GPC5: variants seen among roughly 807,000 people sequenced by gnomAD.
GPC5 encodes the protein glypican-5.
In GPC5, 47 loss-of-function variants were observed where a neutral mutation model predicts 53.9. The observed-to-expected ratio is 0.87, with a 90% CI of 0.69 to 1.11. GPC5 has a LOEUF of 1.11. Among genes scored for constraint, GPC5 ranks in the 50% most tolerant of loss-of-function variants. The probability of loss-of-function intolerance (pLI) is 0.00; values close to 1 mark genes in which losing one functional copy is unlikely to be tolerated. For synonymous variants in GPC5, 286 were observed against 263.3 expected, an observed-to-expected ratio of 1.09 and a Z score of -0.84; for missense variants, 748 against 713.1, an observed-to-expected ratio of 1.05 and a Z score of -0.56.
At chr13:91,445,167 C>G (rs146642863) in intron 1 of GPC5, among the ~76,000 whole-genome samples, 122 of 152,274 alleles carry the variant, frequency 8.0e-4, no homozygotes, top group African/African-American at 2.9e-3. Context: ...CTTTTCTTAA[C>G]TGACTTTCAC....
At position 92,632,485 on chromosome 13, in the gene GPC5, T is replaced by TACAC. The variant is rs1555297294; in HGVS notation, c.1562-233795_1562-233792dup. The stretch of plus-strand genomic sequence containing the variant: ...CCACATATATATATATATATATATA[T>TACAC]ACACATATATATATGCACACACACA... On this transcript the variant is annotated intron_variant, in intron 7 of 7. Transcript: ENST00000377067. Among the ~76,000 whole-genome samples the TACAC allele has an allele frequency of 8.3e-4, 114 of 137,666 alleles. 1 individual carries two copies. The highest frequency in any genetic ancestry group is 2.7e-3 in the African/African-American group (99 of 37,082). 90.3% of individuals were successfully genotyped at this position (137,666 alleles called of 152,430 possible). A position where few individuals can be genotyped will look rare whatever the true frequency, so the allele number is the denominator to read the frequency against.
chr13:92,646,316 T>C (rs1390260712), intron 7 of GPC5, among the ~76,000 whole-genome samples: 2 of 152,168 alleles, frequency 1.3e-5, no homozygotes, highest in African/African-American at 2.4e-5. Flanking sequence ...CATTGTAGAA[T>C]ACTAGCTGAC....
intron 7 of GPC5, among the ~76,000 whole-genome samples, chr13:92,170,438 T>TG (rs1261852066): frequency 7.2e-6 from 1 of 139,464 alleles, no homozygotes; most frequent in Non-Finnish European, 1.5e-5. Flanking sequence ...TTTTTTTTTT[T>TG]TTTTTGAGAC....
At chr13:92,126,792 A>T (rs1432283688) in intron 6 of GPC5, among the ~76,000 whole-genome samples, 2 of 150,746 alleles carry the variant, frequency 1.3e-5, no homozygotes, top group African/African-American at 2.4e-5. Context: ...GGATACTAAC[A>T]ATAGAAATGG....
At chr13:91,522,940 GT>G (rs1460379738) in intron 2 of GPC5, among the ~76,000 whole-genome samples, 1 of 152,162 alleles carries the variant, frequency 6.6e-6, no homozygotes, top group Non-Finnish European at 1.5e-5. Context: ...TTGGTTCCAA[GT>G]TTTTGCTATT....
intron 6 of GPC5, among the ~76,000 whole-genome samples, chr13:92,052,496 A>G (rs981190976): frequency 2.0e-5 from 3 of 152,146 alleles, no homozygotes; most frequent in Non-Finnish European, 2.9e-5. Context: ...GTCCCCGCCC[A>G]TGTCCTGCTG....
intron 3 of GPC5, among the ~76,000 whole-genome samples, chr13:91,704,459 C>T (rs1220272018): frequency 6.6e-6 from 1 of 152,204 alleles, no homozygotes; most frequent in African/African-American, 2.4e-5. Context: ...GCATTGCTGC[C>T]TCTGCTGGTC....
rs115473240 is a variant in GPC5, at chr13:92,860,284, G to C, written c.1562-5998G>C. Among the ~76,000 whole-genome samples the C allele has an allele frequency of 6.8e-3, 1,040 of 152,234 alleles. 16 individuals carry two copies. Among genetic ancestry groups the C allele is most frequent in the African/African-American group, 0.024 (986 of 41,546 alleles). ...CACAAGGAATAGAAAAGGCTTTCAT[G>C]AAGACAGTTGCATTGCCCTTCAGTT... On this transcript the variant is annotated intron_variant, in intron 7 of 7. Transcript: ENST00000377067.
chr13:92,342,280 C>T (rs2043373398), intron 7 of GPC5, among the ~76,000 whole-genome samples: 1 of 152,118 alleles, frequency 6.6e-6, no homozygotes, highest in Admixed American at 6.6e-5. Flanking sequence ...TGTTTCTCCC[C>T]TGGAATATTG....
At chr13:92,499,958 G>C (rs908461841) in intron 7 of GPC5, among the ~76,000 whole-genome samples, 3 of 152,166 alleles carry the variant, frequency 2.0e-5, no homozygotes, top group African/African-American at 7.2e-5. Flanking sequence ...AGAATGCATA[G>C]AGCATCTCTT....
At chr13:92,624,532 A>G (rs953431443) in intron 7 of GPC5, among the ~76,000 whole-genome samples, 1 of 152,204 alleles carries the variant, frequency 6.6e-6, no homozygotes, top group Non-Finnish European at 1.5e-5. Flanking sequence ...CTTGCAAGTT[A>G]TCCAACCACA....
intron 7 of GPC5, among the ~76,000 whole-genome samples, chr13:92,593,478 G>A (rs1197035479): frequency 6.6e-6 from 1 of 151,266 alleles, no homozygotes; most frequent in Non-Finnish European, 1.5e-5. Context: ...AGAGAATCAT[G>A]TTAAGTAGGC....
chr13:91,718,498 G>A (rs1047374581), intron 3 of GPC5, among the ~76,000 whole-genome samples: 1 of 151,980 alleles, frequency 6.6e-6, no homozygotes, highest in Non-Finnish European at 1.5e-5. Flanking sequence ...TATTGTAGTA[G>A]CTGGCTTTCT....
chr13:92,118,555 G>C (rs929250966), intron 6 of GPC5, among the ~76,000 whole-genome samples: 2 of 151,972 alleles, frequency 1.3e-5, no homozygotes, highest in Admixed American at 1.3e-4. Flanking sequence ...AAAACAAAAG[G>C]ATTATTTCTC....
chr13:91,912,351 CCAA>C (rs996615942), intron 6 of GPC5, among the ~76,000 whole-genome samples: 4 of 150,690 alleles, frequency 2.7e-5, no homozygotes, highest in South Asian at 4.2e-4. Flanking sequence ...ACTCTGTCTC[CCAA>C]CAACAACAAC....
At chr13:91,528,598 A>G (rs973428022) in intron 2 of GPC5, among the ~76,000 whole-genome samples, 8 of 152,112 alleles carry the variant, frequency 5.3e-5, no homozygotes, top group African/African-American at 1.9e-4. Flanking sequence ...CTCATTACCC[A>G]CATCCAAAGT....
intron 7 of GPC5, among the ~76,000 whole-genome samples, chr13:92,729,714 C>A (rs142142195): frequency 6.6e-6 from 1 of 151,394 alleles, no homozygotes; most frequent in Non-Finnish European, 1.5e-5. Context: ...TCAGATGTTG[C>A]TTGAATTGCT....
intron 7 of GPC5, among the ~76,000 whole-genome samples, chr13:92,725,655 G>A (rs978980589): frequency 6.6e-6 from 1 of 151,282 alleles, no homozygotes; most frequent in Admixed American, 6.6e-5. Context: ...ACAAAAAAAT[G>A]AAAATAAAAA....
intron 6 of GPC5, chr13:92,060,008 C>A (rs1185531918): frequency 6.6e-6 from 1 of 151,074 alleles, no homozygotes; most frequent in African/African-American, 2.4e-5. Flanking sequence ...TTTTAAAGTT[C>A]ACTTAAGTTG....
Sources: allele counts gnomAD v4.1 joint callset (sites outside exome capture counted in the v4.1 genomes callset), GRCh38; gene constraint gnomAD v4.1.1; transcripts MANE v1.5; gene names NCBI Gene and HGNC (gene_info 2026-07-23, HGNC 2026-07-21).